The following TPCN1 variants were observed in gnomAD, a reference collection of about 807,000 sequenced individuals.
TPCN1 encodes two pore segment channel 1.
A neutral mutation model predicts 108.8 loss-of-function variants in TPCN1; 52 were observed. The observed-to-expected ratio is 0.48, with a 90% CI of 0.38 to 0.60. The LOEUF (loss-of-function observed/expected upper bound fraction) is 0.60. TPCN1 is among the 20% of genes least tolerant of loss of function. The pLI, the probability that TPCN1 is intolerant of heterozygous loss-of-function variation, is 0.00. For synonymous variants in TPCN1, 446 were observed against 433.7 expected (o/e 1.03, Z -0.35); for missense variants, 806 against 1,072.8 (o/e 0.75, Z 3.47).
At chr12:113,241,776 G>GTC (rs1954138494) in intron 2 of TPCN1, among the ~76,000 whole-genome samples, 1 of 151,004 alleles carries the variant, frequency 6.6e-6, no homozygotes, top group Admixed American at 6.6e-5. Flanking sequence ...GTGTGTGTGT[G>GTC]TGTGTGTGTG....
At chr12:113,244,508 G>A (rs1039703521) in intron 2 of TPCN1, 87 of 985,242 alleles carry the variant, frequency 8.8e-5, no homozygotes, top group East Asian at 3.4e-4. Context: ...GCTTTCTTTC[G>A]GCGTAGCATC....
In TPCN1 at chr12:113,288,884, T is replaced by C. The variant is rs937090472; in HGVS notation, c.1796+37T>C. 6.2e-7 allele frequency: 1 copy of C among 1,605,618 alleles called. No homozygotes were observed. The highest frequency in any genetic ancestry group is 8.5e-7 in the Non-Finnish European group (1 of 1,173,904). Reference sequence around the variant, plus strand: ...CCACCCAGCCCCAGGCAGCCTGCATTTCCCGGGCAGAGGGCTGGCCAGGGC... The same window carrying C: ...CCACCCAGCCCCAGGCAGCCTGCATCTCCCGGGCAGAGGGCTGGCCAGGGC... On this transcript the variant is annotated intron_variant, in intron 21 of 27. Coordinates refer to ENST00000335509, the MANE Select transcript of TPCN1 (RefSeq NM_017901.6). The surrounding 1 kb of genome is among the most constrained non-coding windows in gnomAD (Gnocchi z 4.8).
At chr12:113,287,599 G>T (rs1414124771) in intron 19 of TPCN1, among the ~76,000 whole-genome samples, 1 of 152,202 alleles carries the variant, frequency 6.6e-6, no homozygotes, top group African/African-American at 2.4e-5. Context: ...CTCAGAGCCT[G>T]GGCTTGCCTC....
rs1005300337 is a variant in TPCN1, at chr12:113,298,165, G to C, written c.*2089G>C. The stretch of plus-strand genomic sequence containing the variant: ...CCAATGGCAGCAGTGTCAACAGACG[G>C]GAGTCCAGCCAGGGTGGGTGCCCTT... On this transcript the variant is annotated 3_prime_UTR_variant, in exon 28 of 28. Coordinates refer to ENST00000335509, the MANE Select transcript of TPCN1 (RefSeq NM_017901.6). 1 of 152,348 alleles carries C rather than the reference G, an allele frequency of 6.6e-6. No individual in the cohort carries two copies. The highest frequency in any genetic ancestry group is 2.4e-5 in the African/African-American group (1 of 41,480). 9.4% of individuals were successfully genotyped at this position (152,348 alleles called of 1,614,324 possible). A position where few individuals can be genotyped will look rare whatever the true frequency, so the allele number is the denominator to read the frequency against.
intron 2 of TPCN1, among the ~76,000 whole-genome samples, chr12:113,258,927 C>G (rs921430545): frequency 6.6e-6 from 1 of 152,120 alleles, no homozygotes; most frequent in African/African-American, 2.4e-5. Context: ...GGTTGTAAGC[C>G]TTACACATTT....
rs1953730536 is a variant in TPCN1, at chr12:113,232,654, C to G, written c.112+5690C>G. Among the ~76,000 whole-genome samples, 1 of 152,204 alleles carries G rather than the reference C, an allele frequency of 6.6e-6. No homozygotes were observed. The highest frequency in any genetic ancestry group is 2.1e-4 in the South Asian group (1 of 4,834). On this transcript the variant is annotated intron_variant, in intron 2 of 27. Transcript: ENST00000335509. The surrounding 1 kb of genome is among the most constrained non-coding windows in gnomAD (Gnocchi z 5.6). ...AGTATAGTGCTTAGCTGCTCTAAGC[C>G]TCAGCCTGCTCATCTGTAGAATGTG...
At chr12:113,234,536 C>A (rs1051833080) in intron 2 of TPCN1, among the ~76,000 whole-genome samples, 1 of 152,210 alleles carries the variant, frequency 6.6e-6, no homozygotes, top group Non-Finnish European at 1.5e-5. Flanking sequence ...TAAATTGGGA[C>A]CATTGGTGCT....
At chr12:113,258,640 G>T (rs1440029074) in intron 2 of TPCN1, among the ~76,000 whole-genome samples, 2 of 152,128 alleles carry the variant, frequency 1.3e-5, no homozygotes, top group African/African-American at 4.8e-5. Context: ...AATTAGCCAG[G>T]CGTGATGGTG....
chr12:113,285,827 G>A lies in TPCN1; in HGVS notation c.1454-62G>A, dbSNP rs142960105. 11,537 of 1,445,110 alleles carry A rather than the reference G, an allele frequency of 8.0e-3. 61 individuals carry two copies. Among genetic ancestry groups the A allele is most frequent in the Non-Finnish European group, 9.4e-3 (9,614 of 1,026,040 alleles). 89.5% of individuals were successfully genotyped at this position (1,445,110 alleles called of 1,614,324 possible). ...GCAGACTGTGGAGGAGCCTCAAAGA[G>A]GAGACCGAGCATGGGGGAGGATGTG... On this transcript the variant is annotated intron_variant, in intron 17 of 27. Coordinates refer to ENST00000335509, the MANE Select transcript of TPCN1 (RefSeq NM_017901.6).
intron 3 of TPCN1, among the ~76,000 whole-genome samples, chr12:113,265,696 A>G (rs1174715256): frequency 1.3e-5 from 2 of 151,796 alleles, no homozygotes; most frequent in Non-Finnish European, 2.9e-5. Flanking sequence ...AGGGGTCTCA[A>G]CATGTTGCCC....
intron 1 of TPCN1, chr12:113,225,172 A>G: frequency 9.2e-6 from 4 of 437,026 alleles, no homozygotes; most frequent in South Asian, 4.9e-5. Flanking sequence ...CCGTCACCTC[A>G]GCCTCCCAAG....
At chr12:113,265,447 A>C (rs1415644054) in intron 3 of TPCN1, among the ~76,000 whole-genome samples, 1 of 151,914 alleles carries the variant, frequency 6.6e-6, no homozygotes, top group African/African-American at 2.4e-5. Context: ...TGAGCTCTTT[A>C]CACTCTGCTG....
chr12:113,274,868 C>CA (rs1955620306), intron 10 of TPCN1, among the ~76,000 whole-genome samples: 1 of 152,210 alleles, frequency 6.6e-6, no homozygotes, highest in Non-Finnish European at 1.5e-5. Context: ...CAGTTGCACT[C>CA]ACGTGCCAGA....
rs1303517584 is a variant in TPCN1, at chr12:113,268,487, C to T, written c.529-255C>T. On this transcript the variant is annotated intron_variant, in intron 5 of 27. Transcript: ENST00000335509. The surrounding 1 kb of genome is among the most constrained non-coding windows in gnomAD (Gnocchi z 7.3). ...TGATCGAGGGGTCCTGGCAGAGTGGCGGTTTTGCCTCCTCAGTGGATACCA... is the reference window on the plus strand; with the variant it reads ...TGATCGAGGGGTCCTGGCAGAGTGGTGGTTTTGCCTCCTCAGTGGATACCA... Among the ~76,000 whole-genome samples, 3 of 152,190 alleles carry T rather than the reference C, an allele frequency of 2.0e-5. No individual in the cohort carries two copies. Among genetic ancestry groups the T allele is most frequent in the Admixed American group, 6.5e-5 (1 of 15,276 alleles).
At chr12:113,275,352 C>T (rs1169011314) in intron 10 of TPCN1, among the ~76,000 whole-genome samples, 2 of 151,942 alleles carry the variant, frequency 1.3e-5, no homozygotes, top group African/African-American at 2.4e-5. Flanking sequence ...ATTCTCCTGC[C>T]TCAGCCTCCC....
rs930808293 is a variant in TPCN1, at chr12:113,277,017, C to T, written c.1041C>T (p.Arg347=). 6.2e-7 allele frequency: 1 copy of T among 1,613,868 alleles called. No individual in the cohort carries two copies. Among genetic ancestry groups the T allele is most frequent in the East Asian group, 2.2e-5 (1 of 44,886 alleles). Residue 347 remains arginine (R), a synonymous_variant, in exon 11 of 28, where the codon CGC becomes CGT. Transcript: ENST00000335509. ...GAACCGCTATCCAGCATGCCTACCGCCTGCTCATCAGCCAGAGGGTAGGAA... is the reference window on the plus strand; with the variant it reads ...GAACCGCTATCCAGCATGCCTACCGTCTGCTCATCAGCCAGAGGGTAGGAA... ...HKRTAIQHAY[R]LLISQRRPAG...
At chr12:113,265,681 G>A (rs1346973205) in intron 3 of TPCN1, among the ~76,000 whole-genome samples, 1 of 151,918 alleles carries the variant, frequency 6.6e-6, no homozygotes, top group Non-Finnish European at 1.5e-5. Flanking sequence ...CAAGTGGCTG[G>A]CACCAGGGGT....
intron 13 of TPCN1, 36 bp from the exon 14 acceptor site, chr12:113,278,736 C>G: frequency 1.2e-6 from 2 of 1,600,728 alleles, no homozygotes; most frequent in South Asian, 2.2e-5. Flanking sequence ...GGTCCCTGGC[C>G]CTGACACCCT....
intron 15 of TPCN1, among the ~76,000 whole-genome samples, chr12:113,282,095 T>G (rs1165823145): frequency 2.1e-5 from 3 of 141,958 alleles, no homozygotes; most frequent in African/African-American, 7.9e-5. Context: ...TAATTTTTTT[T>G]TTTTTTTTTT....
Sources: gnomAD v4.1 joint callset for allele counts (sites outside exome capture counted in the v4.1 genomes callset) on GRCh38, gnomAD v4.1.1 for gene constraint, Gnocchi (gnomAD v3.1) non-coding constraint, MANE v1.5 for transcripts, NCBI Gene and HGNC (gene_info 2026-07-23, HGNC 2026-07-21) for gene names.